Variants in STEAP1B observed in about 807,000 individuals in gnomAD.
STEAP1B encodes STEAP family member 1B.
A neutral mutation model predicts 27.9 loss-of-function variants in STEAP1B; 13 were observed. The ratio of observed to expected loss-of-function variants is 0.47; its 90% CI spans 0.30 to 0.74. The LOEUF is 0.74. Ranked by LOEUF, STEAP1B falls within the 30% of genes least tolerant of loss-of-function variation. STEAP1B has a pLI of 0.06. For missense variants in STEAP1B, 250 were observed against 298.7 expected, an observed-to-expected ratio of 0.84 and a Z score of 1.20; for synonymous variants, 86 against 107.1, an observed-to-expected ratio of 0.80 and a Z score of 1.22.
chr7:22,486,140 T>C (rs893540015), intron 4 of STEAP1B, among the ~76,000 whole-genome samples: 4 of 151,020 alleles, frequency 2.6e-5, no homozygotes, highest in Admixed American at 6.6e-5. Flanking sequence ...GCACACATCG[T>C]TGCTTTTTGA....
intron 4 of STEAP1B, among the ~76,000 whole-genome samples, chr7:22,476,178 T>C (rs762691976): frequency 5.3e-5 from 8 of 152,172 alleles, no homozygotes; most frequent in Non-Finnish European, 1.2e-4. Context: ...CCAAACCCCG[T>C]TGTATTACTT....
chr7:22,463,570 G>A (rs966408819), intron 4 of STEAP1B, among the ~76,000 whole-genome samples: 26 of 152,124 alleles, frequency 1.7e-4, no homozygotes, highest in African/African-American at 4.8e-4. Context: ...ACAAGGCTAC[G>A]GTACCCAAAA....
intron 4 of STEAP1B, among the ~76,000 whole-genome samples, chr7:22,485,626 A>T (rs1392491290): frequency 1.3e-5 from 2 of 152,162 alleles, no homozygotes; most frequent in Admixed American, 1.3e-4. Context: ...ATAGCTAAAT[A>T]TAACTTTTAT....
rs528600997 is a variant in STEAP1B, at chr7:22,495,555, C to G, written c.-31-669G>C. 2.0e-5 allele frequency: 3 copies of G among 152,302 alleles called. No individual in the cohort carries two copies. In the South Asian group the frequency reaches 6.2e-4, roughly 32 times the overall value. 9.4% of individuals were successfully genotyped at this position (152,302 alleles called of 1,614,324 possible). Reference sequence around the variant, plus strand: ...CCTTAGCAAACTCACAGATCCTCATCCAGGATTGGTGTAACATTTTTTAGG... The same window carrying G: ...CCTTAGCAAACTCACAGATCCTCATGCAGGATTGGTGTAACATTTTTTAGG... On this transcript the variant is annotated intron_variant, in intron 1 of 4. Transcript: ENST00000678116.
intron 4 of STEAP1B, among the ~76,000 whole-genome samples, chr7:22,446,015 C>T (rs1466389888): frequency 6.6e-6 from 1 of 152,058 alleles, no homozygotes; most frequent in African/African-American, 2.4e-5. Flanking sequence ...CTAAGAGATC[C>T]CTTGTGGGCA....
rs1040505651 is a variant in STEAP1B, at chr7:22,436,300, T to A, written c.763-16464A>T. The stretch of plus-strand genomic sequence containing the variant: ...GAGTTTGGAGATAAGTATACATCCA[T>A]GAAACCATCACCACAATCTGTGCCA... On this transcript the variant is annotated intron_variant, in intron 4 of 4. Coordinates refer to ENST00000678116, the MANE Select transcript of STEAP1B (RefSeq NM_001382447.1). 2.0e-5 allele frequency among the ~76,000 whole-genome samples: 3 copies of A among 152,180 alleles called. 1 individual carries two copies. The highest frequency in any genetic ancestry group is 4.8e-5 in the African/African-American group (2 of 41,448).
chr7:22,456,182 A>G (rs1785576487), intron 4 of STEAP1B, among the ~76,000 whole-genome samples: 1 of 152,060 alleles, frequency 6.6e-6, no homozygotes, highest in African/African-American at 2.4e-5. Context: ...CATTTAAAAT[A>G]TTTCTTCTCC....
chr7:22,437,949 A>G (rs912925984), intron 4 of STEAP1B, among the ~76,000 whole-genome samples: 1 of 152,100 alleles, frequency 6.6e-6, no homozygotes, highest in Non-Finnish European at 1.5e-5. Context: ...TTTTTTAATC[A>G]GATTTTGTTA....
intron 4 of STEAP1B, among the ~76,000 whole-genome samples, chr7:22,420,291 C>T (rs921336920): frequency 6.6e-6 from 1 of 152,182 alleles, no homozygotes; most frequent in African/African-American, 2.4e-5. Context: ...CTCTGGCCTA[C>T]TATCTTGTCC....
intron 4 of STEAP1B, among the ~76,000 whole-genome samples, chr7:22,422,311 G>A (rs1785053585): frequency 1.3e-5 from 2 of 152,088 alleles, no homozygotes; most frequent in South Asian, 4.1e-4. Context: ...CCATGACTTT[G>A]TGCTCTTTCT....
chr7:22,452,244 G>A (rs1229019267), intron 4 of STEAP1B, among the ~76,000 whole-genome samples: 3 of 152,198 alleles, frequency 2.0e-5, no homozygotes, highest in Non-Finnish European at 4.4e-5. Flanking sequence ...AGAAGAAACA[G>A]GCTGCCAGAG....
chr7:22,473,750 G>C (rs1039835401), intron 4 of STEAP1B, among the ~76,000 whole-genome samples: 3 of 152,190 alleles, frequency 2.0e-5, no homozygotes, highest in African/African-American at 7.2e-5. Context: ...CATGGTGATA[G>C]TTCCTGCATC....
At chr7:22,481,789 G>C (rs943227077) in intron 4 of STEAP1B, among the ~76,000 whole-genome samples, 3 of 152,220 alleles carry the variant, frequency 2.0e-5, no homozygotes, top group Admixed American at 2.0e-4. Flanking sequence ...CGTAAAGCCA[G>C]AGGATTGTGT....
intron 4 of STEAP1B, among the ~76,000 whole-genome samples, chr7:22,457,683 T>C (rs528061799): frequency 1.6e-4 from 24 of 152,352 alleles, no homozygotes; most frequent in African/African-American, 5.1e-4. Flanking sequence ...AGTCACACTT[T>C]CCATGTGACT....
intron 4 of STEAP1B, among the ~76,000 whole-genome samples, chr7:22,479,376 A>G (rs1399706437): frequency 6.6e-6 from 1 of 152,212 alleles, no homozygotes; most frequent in Non-Finnish European, 1.5e-5. Context: ...GCTGCATAGT[A>G]TTTTACAATT....
chr7:22,422,575 C>T (rs949442060), intron 4 of STEAP1B, among the ~76,000 whole-genome samples: 1 of 151,452 alleles, frequency 6.6e-6, no homozygotes, highest in Non-Finnish European at 1.5e-5. Flanking sequence ...CTCATTGCAA[C>T]TTCCGCCTCC....
At chr7:22,422,866 T>C (rs1785061609) in intron 4 of STEAP1B, among the ~76,000 whole-genome samples, 1 of 152,234 alleles carries the variant, frequency 6.6e-6, no homozygotes, top group Non-Finnish European at 1.5e-5. Context: ...GCATTTCATA[T>C]GACAAAATCT....
At chr7:22,471,484 C>T (rs1785882981) in intron 4 of STEAP1B, among the ~76,000 whole-genome samples, 1 of 152,230 alleles carries the variant, frequency 6.6e-6, no homozygotes, top group South Asian at 2.1e-4. Context: ...AATCTTCCCA[C>T]AAGGCAGAAT....
At chr7:22,468,960 A>C (rs1473709787) in intron 4 of STEAP1B, among the ~76,000 whole-genome samples, 4 of 152,224 alleles carry the variant, frequency 2.6e-5, no homozygotes, top group African/African-American at 9.6e-5. Context: ...TTACTTATTT[A>C]TTATCCTATA....
Sources: allele counts gnomAD v4.1 joint callset (sites outside exome capture counted in the v4.1 genomes callset), GRCh38; gene constraint gnomAD v4.1.1; transcripts MANE v1.5; gene names NCBI Gene and HGNC (gene_info 2026-07-23, HGNC 2026-07-21).